SMARCC2: variants seen among roughly 807,000 people sequenced by gnomAD.
The protein encoded by SMARCC2 is SWI/SNF complex subunit SMARCC2.
In SMARCC2, 15 loss-of-function variants were observed where a neutral mutation model predicts 151.3. The ratio of observed to expected loss-of-function variants is 0.10; its 90% CI spans 0.07 to 0.15. SMARCC2 has a LOEUF of 0.15. Among genes scored for constraint, SMARCC2 ranks in the 10% least tolerant of loss-of-function variants. SMARCC2 has a pLI of 1.00. For missense variants in SMARCC2, 1,031 were observed against 1,599.7 expected (o/e 0.64, Z 6.06); for synonymous variants, 590 against 609.5 (o/e 0.97, Z 0.47).
Position 56,165,603 on chromosome 12 carries a change from G to C in SMARCC2, c.2947C>G (p.Gln983Glu), listed in dbSNP as rs1872635885. ...TGCTGCTGCTGTTGGTGCATCTGTT[G>C]GAAGTGCTGCTGCCGAGCCCTCATC... ...AEMRARQQHF[Q>E]QMHQQQQQPP... Residue 983 changes from glutamine to glutamate, a missense_variant, in exon 27 of 29, where the codon CAA becomes GAA. Gln to Glu is a conservative substitution (Grantham distance 29). This residue lies in a region of SMARCC2 where 49 missense variants were observed against 134.8 expected (regional missense o/e 0.36). Transcript: ENST00000550164. 6.2e-7 allele frequency: 1 copy of C among 1,613,674 alleles called. No individual in the cohort carries two copies. The highest frequency in any genetic ancestry group is 1.7e-5 in the Admixed American group (1 of 60,012).
chr12:56,184,606 C>T, intron 5 of SMARCC2: 1 of 555,516 alleles, frequency 1.8e-6, no homozygotes, highest in Non-Finnish European at 3.2e-6. Context: ...GAAGTGGATA[C>T]TATTTTTCCC....
Position 56,172,221 on chromosome 12 carries a change from C to G in SMARCC2, c.1926+207G>C, listed in dbSNP as rs1442704750. ...TTAGCCTCCTGAGTAGCTGGGACCA[C>G]AGGTGTGTGCCACCACACCTGGCTA... On this transcript the variant is annotated intron_variant, in intron 20 of 28. Coordinates refer to ENST00000550164, the MANE Select transcript of SMARCC2 (RefSeq NM_001330288.2). 1.1e-5 allele frequency: 6 copies of G among 550,510 alleles called. No individual in the cohort carries two copies. In the Admixed American group the frequency reaches 1.8e-4, roughly 16 times the overall value. The allele number at this position is 550,510 out of a possible 1,614,324, so 34.1% of individuals were successfully genotyped here.
Position 56,172,608 on chromosome 12 carries a change from T to A in SMARCC2, c.1840A>T (p.Thr614Ser), listed in dbSNP as rs776936524. 6.2e-7 allele frequency: 1 copy of A among 1,614,218 alleles called. No homozygotes were observed. The highest frequency in any genetic ancestry group is 8.5e-7 in the Non-Finnish European group (1 of 1,180,040). ...ACCTTGGAGGGAACATTCTTTTTTG[T>A]GTACATGTCTGTGCGCAGCCCAAAG... is the stretch of plus-strand genomic sequence containing the variant. ...QNFGLRTDMYTKKNVPSKSKA... is the reference protein window; with the variant it reads ...QNFGLRTDMYSKKNVPSKSKA... The change falls in exon 19 of 29, where the codon ACA becomes TCA. Residue 614 changes from threonine (T) to serine (S), a missense_variant. Physicochemically the swap from Thr to Ser is moderately conservative, Grantham distance 58 (BLOSUM62 1). Around this residue, in one of 12 missense-constraint regions of SMARCC2, gnomAD observed 99 missense variants for 148.3 expected, o/e 0.67. Coordinates refer to ENST00000550164, the MANE Select transcript of SMARCC2 (RefSeq NM_001330288.2).
chr12:56,188,676 G>A (rs563117430), intron 1 of SMARCC2, among the ~76,000 whole-genome samples: 89 of 152,318 alleles, frequency 5.8e-4, no homozygotes, highest in Non-Finnish European at 6.9e-4. Context: ...GTACTGCAAA[G>A]CTAGGTTGCA....
rs767376737 is a variant in SMARCC2 at position 56,163,680 on chromosome 12, G to A, written c.*9C>T. 2.0e-6 allele frequency: 3 copies of A among 1,484,550 alleles called. No homozygotes were observed. Among genetic ancestry groups the A allele is most frequent in the African/African-American group, 3.0e-5 (2 of 67,706 alleles). The allele number at this position is 1,484,550 out of a possible 1,614,324, so 92.0% of individuals were successfully genotyped here. Reference sequence around the variant, plus strand: ...AGGGGGTGAGGGGGAGAGATGTCTGGCTGGCTCCTCACTGTGGAGGTGGCA... The same window carrying A: ...AGGGGGTGAGGGGGAGAGATGTCTGACTGGCTCCTCACTGTGGAGGTGGCA... On this transcript the variant is annotated 3_prime_UTR_variant, in exon 29 of 29. Transcript: ENST00000550164.
Position 56,169,711 on chromosome 12 carries a change from G to A in SMARCC2, c.2549-16C>T. The A allele has an allele frequency of 6.2e-7, 1 of 1,614,012 alleles. No individual in the cohort carries two copies. Among genetic ancestry groups the A allele is most frequent in the Non-Finnish European group, 8.5e-7 (1 of 1,179,976 alleles). ...TCAGGATCGACTGGGCCAGGACAAG[G>A]GTTGAGTTAGCCCCACAGCTTCACC... On this transcript the variant is annotated splice_polypyrimidine_tract_variant and intron_variant, in intron 24 of 28. Coordinates refer to ENST00000550164, the MANE Select transcript of SMARCC2 (RefSeq NM_001330288.2).
chr12:56,182,611 C>A (rs185155768), intron 7 of SMARCC2, among the ~76,000 whole-genome samples: 4 of 151,438 alleles, frequency 2.6e-5, no homozygotes, highest in East Asian at 1.9e-4. Context: ...GCATGAGACA[C>A]CGCGTCCAGC....
In SMARCC2 at chr12:56,187,322, G is replaced by C. The variant is rs1877446199; in HGVS notation, c.112-16C>G. The C allele has an allele frequency of 6.2e-7, 1 of 1,605,024 alleles. No individual in the cohort carries two copies. On this transcript the variant is annotated splice_polypyrimidine_tract_variant and intron_variant, in intron 1 of 28. Coordinates refer to ENST00000550164, the MANE Select transcript of SMARCC2 (RefSeq NM_001330288.2). ...CTTGTATATACTAAGGAAAAAGAGG[G>C]AAAGGAAAGAAAAATAGATCTCAGA...
chr12:56,173,984 CCTT>C (rs1421061246), intron 16 of SMARCC2, 135 bp from the exon 17 acceptor site: 5 of 696,554 alleles, frequency 7.2e-6, no homozygotes, highest in Non-Finnish European at 1.2e-5. Flanking sequence ...TCATTGTACT[CCTT>C]AAGAAATCTC....
intron 16 of SMARCC2, 145 bp from the exon 17 acceptor site, chr12:56,173,994 T>A: frequency 1.6e-6 from 1 of 617,656 alleles, no homozygotes; most frequent in Non-Finnish European, 2.7e-6. Flanking sequence ...CCTTAAGAAA[T>A]CTCACCTACT....
rs1199683151 is a variant in SMARCC2 at position 56,163,782 on chromosome 12, G to A, written c.3662-17C>T. On this transcript the variant is annotated splice_polypyrimidine_tract_variant and intron_variant, in intron 28 of 28. Transcript: ENST00000550164. ...TGCCTGGGTCTGTGGAGAAAAGGAAGATAAATCAGTTAGAGTACGCCGGAG... is the reference window on the plus strand; with the variant it reads ...TGCCTGGGTCTGTGGAGAAAAGGAAAATAAATCAGTTAGAGTACGCCGGAG... 1.3e-6 allele frequency: 2 copies of A among 1,501,022 alleles called. No homozygotes were observed. The allele number at this position is 1,501,022 out of a possible 1,614,324, so 93.0% of individuals were successfully genotyped here. A position where few individuals can be genotyped will look rare whatever the true frequency, so the allele number is the denominator to read the frequency against.
Position 56,173,049 on chromosome 12 carries a change from G to A in SMARCC2, c.1651-20C>T, listed in dbSNP as rs1394312867. The A allele has an allele frequency of 1.2e-6, 2 of 1,611,592 alleles. No homozygotes were observed. The highest frequency in any genetic ancestry group is 2.2e-5 in the East Asian group (1 of 44,878). On this transcript the variant is annotated intron_variant, in intron 17 of 28. Transcript: ENST00000550164. ...GCGGCCCTGGGGGACAGAGCTTGGC[G>A]TCATGGAGGCTGGGCAGGAAATGAC... is the stretch of plus-strand genomic sequence containing the variant.
Position 56,165,565 on chromosome 12 carries a change from G to A in SMARCC2, c.2985C>T (p.Ala995=). 6.2e-7 allele frequency: 1 copy of A among 1,613,356 alleles called. No individual in the cohort carries two copies. The highest frequency in any genetic ancestry group is 1.1e-5 in the South Asian group (1 of 91,076). The part of the protein sequence containing the change: ...MHQQQQQPPP[A]LPPGSQPIPP... ...GGATAGGCTGGGAGCCTGGGGGCAG[G>A]GCTGGTGGTGGCTGCTGCTGCTGTT... The change falls in exon 27 of 29, where the codon GCC becomes GCT. Residue 995 remains alanine, a synonymous_variant. Coordinates refer to ENST00000550164, the MANE Select transcript of SMARCC2 (RefSeq NM_001330288.2).
rs1167140679 is a variant in SMARCC2 at position 56,186,102 on chromosome 12, A to G, written c.317+53T>C. ...CCCAGAAAGATCCCAGGGAATCAAA[A>G]AGGGGGATTTCCTCTAAACTAAATA... On this transcript the variant is annotated intron_variant, in intron 3 of 28. Coordinates refer to ENST00000550164, the MANE Select transcript of SMARCC2 (RefSeq NM_001330288.2). 2.4e-6 allele frequency: 3 copies of G among 1,264,410 alleles called. No individual in the cohort carries two copies. The African/African-American group carries it at 4.4e-5, about 19-fold the overall frequency. 78.3% of individuals were successfully genotyped at this position (1,264,410 alleles called of 1,614,324 possible).
At position 56,169,684 on chromosome 12, in the gene SMARCC2, T is replaced by C. The variant is rs771037005; in HGVS notation, c.2560A>G (p.Lys854Glu). The part of the protein sequence containing the change: ...SDGDPIVDPE[K>E]EKEPKEGQEE... ...TGCCCTTCCTTTGGCTCCTTCTCCT[T>C]CTCAGGATCGACTGGGCCAGGACAA... Residue 854 changes from lysine to glutamate, a missense_variant, in exon 25 of 29, where the codon AAG (lysine) becomes GAG (glutamate). This residue lies in a region of SMARCC2 where 119 missense variants were observed against 184.2 expected (regional missense o/e 0.65). Transcript: ENST00000550164. 2 of 1,614,034 alleles carry C rather than the reference T, an allele frequency of 1.2e-6. No homozygotes were observed. The highest frequency in any genetic ancestry group is 1.7e-6 in the Non-Finnish European group (2 of 1,179,990).
In SMARCC2 at chr12:56,171,355, T is replaced by G. The variant is rs1410461887; in HGVS notation, c.2263A>C (p.Lys755Gln). ...GCAGGGTCCGCCTTGCCTGTTACTT[T>G]GGCTGCTTCTTCCACTTTTCGAACA... is the stretch of plus-strand genomic sequence containing the variant. ...AHVRKVEEAAKVTGKADPAFG... is the reference protein window; with the variant it reads ...AHVRKVEEAAQVTGKADPAFG... Residue 755 changes from lysine to glutamine, a missense_variant, in exon 22 of 29, where the codon AAA becomes CAA. By Grantham distance (53) the Lys-to-Gln change is moderately conservative. This residue lies in a region of SMARCC2 where 119 missense variants were observed against 184.2 expected (regional missense o/e 0.65). Coordinates refer to ENST00000550164, the MANE Select transcript of SMARCC2 (RefSeq NM_001330288.2). This position sits in a 1 kb window ranked among gnomAD's most constrained non-coding sequence, Gnocchi z 4.2. 1 of 1,614,104 alleles carries G rather than the reference T, an allele frequency of 6.2e-7. No homozygotes were observed. The highest frequency in any genetic ancestry group is 2.2e-5 in the East Asian group (1 of 44,896).
chr12:56,163,831 C>G, intron 28 of SMARCC2, 66 bp from the exon 29 acceptor site: 1 of 1,057,026 alleles, frequency 9.5e-7, no homozygotes, highest in East Asian at 3.1e-5. Context: ...CCCAGACCAC[C>G]ACAGACAGAC....
Position 56,172,074 on chromosome 12 carries a change from G to C in SMARCC2, c.1927-137C>G, listed in dbSNP as rs1874052473. 5.4e-6 allele frequency: 4 copies of C among 734,788 alleles called. No individual in the cohort carries two copies. In the Middle Eastern group the frequency reaches 7.4e-4, roughly 136 times the overall value. The allele number at this position is 734,788 out of a possible 1,614,324, so 45.5% of individuals were successfully genotyped here. On this transcript the variant is annotated intron_variant, in intron 20 of 28. Transcript: ENST00000550164. ...TTTGTGTACTCTGCTAGGTCCAAGG[G>C]GGATCTTGAAGTAGCACTAAGAAAG...
chr12:56,170,999 G>A (rs956019972), intron 22 of SMARCC2, among the ~76,000 whole-genome samples: 1 of 152,094 alleles, frequency 6.6e-6, no homozygotes, highest in Non-Finnish European at 1.5e-5. Flanking sequence ...CCAAAGTGCT[G>A]AGATTACAGG....
Sources: allele counts gnomAD v4.1 joint callset (sites outside exome capture counted in the v4.1 genomes callset), GRCh38; gene constraint gnomAD v4.1.1; regional missense constraint gnomAD v4.1.1; non-coding constraint Gnocchi (gnomAD v3.1); transcripts MANE v1.5; gene names NCBI Gene and HGNC (gene_info 2026-07-23, HGNC 2026-07-21).